Variants in ZC3H11A observed in about 807,000 individuals in gnomAD.
The protein encoded by ZC3H11A is zinc finger CCCH-type containing 11A.
Under a neutral mutation model 90.8 loss-of-function variants are expected in ZC3H11A, and 22 were observed. That is an observed-to-expected ratio of 0.24 (90% confidence interval 0.17 to 0.35). The LOEUF is 0.35. Among genes scored for constraint, ZC3H11A ranks in the 10% least tolerant of loss-of-function variants. The pLI is 1.00. For synonymous variants in ZC3H11A, 294 were observed against 339.8 expected, an observed-to-expected ratio of 0.87 and a Z score of 1.48; for missense variants, 701 against 964.9, an observed-to-expected ratio of 0.73 and a Z score of 3.62.
At chr1:203,799,210 C>T in intron 1 of ZC3H11A, 1 of 995,288 alleles carries the variant, frequency 1.0e-6, no homozygotes. Flanking sequence ...TTCATTGTTT[C>T]TGACAATTCC....
chr1:203,798,301 C>G (rs1407304068), intron 1 of ZC3H11A: 1 of 1,535,990 alleles, frequency 6.5e-7, no homozygotes, highest in African/African-American at 1.4e-5. Flanking sequence ...GCTTTAATTC[C>G]TGGAACTAGA....
Position 203,847,387 on chromosome 1 carries a change from C to T in ZC3H11A, c.1246C>T (p.Arg416Trp), listed in dbSNP as rs4019824. ...FSEVLAEKKHRQQEAERQKSK... is the reference protein window; with the variant it reads ...FSEVLAEKKHWQQEAERQKSK... ...TGAGGTCCTGGCTGAAAAAAAACAT[C>T]GGCAGCAGGAAGCAGAGAGACAAAA... Residue 416 changes from arginine (R) to tryptophan (W), a missense_variant, in exon 13 of 18, where the codon CGG becomes TGG. Physicochemically the swap from Arg to Trp is moderately radical, Grantham distance 101 (BLOSUM62 -3). This residue lies in a region of ZC3H11A where 530 missense variants were observed against 696.2 expected (regional missense o/e 0.76). Transcript: ENST00000367210. The T allele has an allele frequency of 9.3e-6, 15 of 1,613,812 alleles. No individual in the cohort carries two copies. The highest frequency in any genetic ancestry group is 2.2e-5 in the East Asian group (1 of 44,884).
chr1:203,802,209 A>G lies in ZC3H11A; in HGVS notation c.-953A>G, dbSNP rs1385126992. ...ACTCCCTGATGACGATGATGGATAT[A>G]TATACATACATCCATATTATACATA... is the stretch of plus-strand genomic sequence containing the variant. On this transcript the variant is annotated 5_prime_UTR_variant, in exon 2 of 18. It adds an upstream start codon to the 5' untranslated region. Coordinates refer to ENST00000367210, the MANE Select transcript of ZC3H11A (RefSeq NM_001376342.1). 1 of 152,626 alleles carries G rather than the reference A, an allele frequency of 6.6e-6. No homozygotes were observed. Among genetic ancestry groups the G allele is most frequent in the Admixed American group, 6.5e-5 (1 of 15,276 alleles). 9.5% of individuals were successfully genotyped at this position (152,626 alleles called of 1,614,324 possible).
intron 15 of ZC3H11A, 86 bp downstream of exon 15, chr1:203,850,112 A>ACAAT: frequency 8.2e-7 from 1 of 1,222,598 alleles, no homozygotes; most frequent in East Asian, 2.4e-5. Flanking sequence ...CCTGGCAACA[A>ACAAT]TTGGGTTGAA....
chr1:203,850,207 G>A (rs1437429240), intron 15 of ZC3H11A, 181 bp downstream of exon 15: 2 of 681,306 alleles, frequency 2.9e-6, no homozygotes, highest in East Asian at 5.5e-5. Flanking sequence ...TCTTTTCTCA[G>A]AATTTAAAAT....
At chr1:203,843,597 A>G (rs2103322862) in intron 12 of ZC3H11A, among the ~76,000 whole-genome samples, 1 of 152,352 alleles carries the variant, frequency 6.6e-6, no homozygotes, top group South Asian at 2.1e-4. Context: ...CCATTGTAGA[A>G]TGAAAGCAGC....
chr1:203,797,688 G>T lies in ZC3H11A; in HGVS notation c.-1588+1894G>T, dbSNP rs768023198. ...GGTAGCAGAAGGAGTGAATAAAGAG[G>T]CAAAACAGCCTGCTAAAAAGAAAAG... On this transcript the variant is annotated intron_variant, in intron 1 of 17. Coordinates refer to ENST00000367210, the MANE Select transcript of ZC3H11A (RefSeq NM_001376342.1). 9 of 1,535,664 alleles carry T rather than the reference G, an allele frequency of 5.9e-6. No individual in the cohort carries two copies. In the South Asian group the frequency reaches 8.3e-5, roughly 14 times the overall value.
At chr1:203,806,605 A>G (rs974471304) in intron 2 of ZC3H11A, among the ~76,000 whole-genome samples, 2 of 152,092 alleles carry the variant, frequency 1.3e-5, no homozygotes, top group Admixed American at 1.3e-4. Flanking sequence ...GCCCGGCCTA[A>G]CACCTTTTTT....
chr1:203,802,408 A>G lies in ZC3H11A; in HGVS notation c.-754A>G, dbSNP rs1670795682. 6.6e-6 allele frequency: 1 copy of G among 152,484 alleles called. No individual in the cohort carries two copies. Among genetic ancestry groups the G allele is most frequent in the Non-Finnish European group, 1.5e-5 (1 of 68,004 alleles). 9.4% of individuals were successfully genotyped at this position (152,484 alleles called of 1,614,324 possible). On this transcript the variant is annotated 5_prime_UTR_variant, in exon 2 of 18. Coordinates refer to ENST00000367210, the MANE Select transcript of ZC3H11A (RefSeq NM_001376342.1). ...AAAAGGGGAAACTTATCCAAATGTTATATTTCTATACATTTTTGTGTATAT... is the reference window on the plus strand; with the variant it reads ...AAAAGGGGAAACTTATCCAAATGTTGTATTTCTATACATTTTTGTGTATAT...
chr1:203,840,446 T>A, intron 12 of ZC3H11A, 72 bp downstream of exon 12: 4 of 1,462,036 alleles, frequency 2.7e-6, no homozygotes, highest in Non-Finnish European at 3.8e-6. Context: ...TTTCTCAGAT[T>A]TACCTGTTGC....
In ZC3H11A at chr1:203,833,858, G is replaced by A. The variant is rs754506720; in HGVS notation, c.874+5G>A. 3 of 1,608,206 alleles carry A rather than the reference G, an allele frequency of 1.9e-6. No individual in the cohort carries two copies. Among genetic ancestry groups the A allele is most frequent in the Non-Finnish European group, 2.5e-6 (3 of 1,177,524 alleles). On this transcript the variant is annotated splice_donor_5th_base_variant and intron_variant, in intron 10 of 17. Coordinates refer to ENST00000367210, the MANE Select transcript of ZC3H11A (RefSeq NM_001376342.1). The stretch of plus-strand genomic sequence containing the variant: ...GGAAACGAAAATTTTCAGCAGGTAA[G>A]ATAAGTTTTGTGTATATCTTTTCTT...
intron 1 of ZC3H11A, chr1:203,798,412 CAGGGTCCCACTT>C: frequency 6.5e-7 from 1 of 1,533,622 alleles, no homozygotes. Context: ...CGGGGTAGGC[CAGGGTCCCACTT>C]AGGGACTTCA....
chr1:203,806,129 C>T (rs1434618897), intron 2 of ZC3H11A: 2 of 502,772 alleles, frequency 4.0e-6, no homozygotes, highest in Non-Finnish European at 7.9e-6. Context: ...TTGATCTGGT[C>T]CTTATACTTC....
intron 2 of ZC3H11A, among the ~76,000 whole-genome samples, chr1:203,812,395 A>G (rs1233514394): frequency 1.3e-5 from 2 of 152,056 alleles, no homozygotes; most frequent in African/African-American, 2.4e-5. Context: ...CTGTTTCTGC[A>G]TTAGTTTGCT....
intron 12 of ZC3H11A, 46 bp downstream of exon 12, chr1:203,840,420 G>GTTC (rs1347944340): frequency 1.3e-6 from 2 of 1,569,416 alleles, no homozygotes; most frequent in Admixed American, 3.7e-5. Flanking sequence ...TTTCTTTGCT[G>GTTC]TAAGAGCCTT....
chr1:203,817,178 G>T, intron 3 of ZC3H11A, 54 bp downstream of exon 3: 5 of 1,440,226 alleles, frequency 3.5e-6, no homozygotes, highest in Non-Finnish European at 4.7e-6. Flanking sequence ...TAATAGAATT[G>T]GATAAGATTT....
At chr1:203,800,447 A>G in intron 1 of ZC3H11A, 1 of 1,488,722 alleles carries the variant, frequency 6.7e-7, no homozygotes, top group Non-Finnish European at 8.9e-7. Flanking sequence ...GCAGTGAAAA[A>G]GAAATACTGC....
intron 4 of ZC3H11A, among the ~76,000 whole-genome samples, chr1:203,822,119 T>A (rs543846796): frequency 6.6e-6 from 1 of 152,278 alleles, no homozygotes; most frequent in Non-Finnish European, 1.5e-5. Context: ...TGCTTCCAGT[T>A]CATCAATGCC....
In ZC3H11A at chr1:203,829,451, C is replaced by G; in HGVS notation, c.299C>G (p.Thr100Ser). The G allele has an allele frequency of 6.2e-7, 1 of 1,613,916 alleles. No individual in the cohort carries two copies. Among genetic ancestry groups the G allele is most frequent in the Non-Finnish European group, 8.5e-7 (1 of 1,179,844 alleles). ...VDGLFLPPSK[T>S]VLPTVPESPE... ...TTTATGACTGATTTTGTGCGTTTAG[C>G]TGTGTTGCCCACTGTGCCTGAGTCA... The change falls in exon 6 of 18, where the codon ACT (threonine) becomes AGT (serine). Residue 100 changes from threonine to serine, a missense_variant and splice_region_variant. Around this residue, in one of 4 missense-constraint regions of ZC3H11A, gnomAD observed 59 missense variants for 132.8 expected, o/e 0.44. Transcript: ENST00000367210.
Sources: allele counts gnomAD v4.1 joint callset (sites outside exome capture counted in the v4.1 genomes callset), GRCh38; gene constraint gnomAD v4.1.1; regional missense constraint gnomAD v4.1.1; transcripts MANE v1.5; gene names NCBI Gene and HGNC (gene_info 2026-07-23, HGNC 2026-07-21).